MYBL2: variants seen among roughly 807,000 people sequenced by gnomAD.
MYBL2 encodes MYB proto-oncogene like 2.
Under a neutral mutation model 79.9 loss-of-function variants are expected in MYBL2, and 28 were observed. That is an observed-to-expected ratio of 0.35 (90% confidence interval 0.26 to 0.48). The LOEUF is 0.48. Ranked by LOEUF, MYBL2 falls within the 20% of genes least tolerant of loss-of-function variation. The pLI, the probability that MYBL2 is intolerant of heterozygous loss-of-function variation, is 0.99. For missense variants in MYBL2, 735 were observed against 893.9 expected (o/e 0.82, Z 2.27); for synonymous variants, 378 against 361.2 (o/e 1.05, Z -0.53).
intron 1 of MYBL2, among the ~76,000 whole-genome samples, chr20:43,668,248 T>C (rs1986771648): frequency 7.1e-6 from 1 of 141,146 alleles, no homozygotes; most frequent in Admixed American, 7.7e-5. Context: ...ATGCCCAGGC[T>C]GGAGTGCAGT....
At position 43,699,783 on chromosome 20, in the gene MYBL2, C is replaced by G; in HGVS notation, c.690C>G (p.Ser230=). The part of the protein sequence containing the change: ...GQGSLLTNWP[S]VPPTIKEEEN... The stretch of plus-strand genomic sequence containing the variant: ...GAAGTCTTCTGACCAACTGGCCCTC[C>G]GTCCCTCCTACCATAAAGGAGGAGG... The change falls in exon 7 of 14, where the codon TCC becomes TCG. Residue 230 remains serine, a synonymous_variant. Coordinates refer to ENST00000217026, the MANE Select transcript of MYBL2 (RefSeq NM_002466.4). 1 of 1,614,136 alleles carries G rather than the reference C, an allele frequency of 6.2e-7. No individual in the cohort carries two copies. The highest frequency in any genetic ancestry group is 2.2e-5 in the East Asian group (1 of 44,890).
At chr20:43,715,916 A>G in intron 13 of MYBL2, 43 bp from the exon 14 acceptor site, 1 of 1,581,118 alleles carries the variant, frequency 6.3e-7, no homozygotes. Context: ...TGTTGGGAAC[A>G]CATAGTCCCT....
chr20:43,702,436 C>A, intron 7 of MYBL2, 54 bp from the exon 8 acceptor site: 2 of 1,505,722 alleles, frequency 1.3e-6, no homozygotes, highest in Admixed American at 1.9e-5. Context: ...ATGAATGAGT[C>A]CTCTTGTATT....
intron 2 of MYBL2, among the ~76,000 whole-genome samples, chr20:43,674,849 T>A (rs1568847260): frequency 6.6e-6 from 1 of 152,192 alleles, no homozygotes; most frequent in Non-Finnish European, 1.5e-5. Context: ...ACTTTCTTTT[T>A]CTAAAATAAT....
In MYBL2 at chr20:43,715,159, C is replaced by G. The variant is rs768480095; in HGVS notation, c.1850C>G (p.Ser617Cys). ...CCGACAACTGCCCCTTCAAACTCTT[C>G]CAGCCTCACCCTGTCAGGTATCAAA... The part of the protein sequence containing the change: ...SLPTTAPSNS[S>C]SLTLSGIKED... Residue 617 changes from serine to cysteine, a missense_variant, in exon 13 of 14, where the codon TCC becomes TGC. Coordinates refer to ENST00000217026, the MANE Select transcript of MYBL2 (RefSeq NM_002466.4). 5 of 1,614,238 alleles carry G rather than the reference C, an allele frequency of 3.1e-6. No homozygotes were observed. The highest frequency in any genetic ancestry group is 3.4e-6 in the Non-Finnish European group (4 of 1,180,050).
chr20:43,672,036 T>A lies in MYBL2; in HGVS notation c.21-1770T>A, dbSNP rs372922376. On this transcript the variant is annotated intron_variant, in intron 1 of 13. Transcript: ENST00000217026. ...CAGCCTGGCCAAGATGGTGAAACCC[T>A]GTATCTGCTAAAAATACAAAAAAAA... 1.2e-4 allele frequency among the ~76,000 whole-genome samples: 18 copies of A among 150,712 alleles called. 1 individual carries two copies. Among genetic ancestry groups the A allele is most frequent in the African/African-American group, 3.7e-4 (15 of 41,082 alleles).
chr20:43,683,979 G>A (rs3092364), intron 4 of MYBL2, among the ~76,000 whole-genome samples: 129,553 of 151,926 alleles, frequency 0.85, 55,398 homozygotes, highest in Non-Finnish European at 0.88. Flanking sequence ...CCCAGGCTGG[G>A]GTACAGTGAC....
At position 43,686,887 on chromosome 20, in the gene MYBL2, G is replaced by A. The variant is rs1482009725; in HGVS notation, c.315G>A (p.Gln105=). 2 of 1,614,228 alleles carry A rather than the reference G, an allele frequency of 1.2e-6. No homozygotes were observed. Among genetic ancestry groups the A allele is most frequent in the Non-Finnish European group, 8.5e-7 (1 of 1,180,046 alleles). The change falls in exon 5 of 14, where the codon CAG becomes CAA. Residue 105 remains glutamine (Q), a synonymous_variant. Transcript: ENST00000217026. ...IELVKKYGTK[Q]WTLIAKHLKG... ...TGGTTAAGAAGTATGGCACAAAGCA[G>A]TGGACACTGATTGCCAAGCACCTGA...
intron 2 of MYBL2, among the ~76,000 whole-genome samples, chr20:43,677,602 G>A (rs1987039927): frequency 1.3e-5 from 2 of 152,348 alleles, no homozygotes; most frequent in African/African-American, 2.4e-5. Context: ...AATGGTTGAC[G>A]GAGATGGCCG....
rs149788409 is a variant in MYBL2 at position 43,702,568 on chromosome 20, C to G, written c.1030C>G (p.Leu344Val). Residue 344 changes from leucine to valine, a missense_variant, in exon 8 of 14, where the codon CTA becomes GTA. This residue lies in a region of MYBL2 where 243 missense variants were observed against 327.2 expected (regional missense o/e 0.74). Coordinates refer to ENST00000217026, the MANE Select transcript of MYBL2 (RefSeq NM_002466.4). ...PSAEDSINNS[L>V]VQLQASHQQQ... ...TGCAGAGGACAGTATCAACAACAGC[C>G]TAGTGCAGCTGCAAGCGTCACATCA... The G allele has an allele frequency of 4.5e-5, 72 of 1,614,202 alleles. No individual in the cohort carries two copies. The African/African-American group carries it at 9.2e-4, about 21-fold the overall frequency.
intron 2 of MYBL2, among the ~76,000 whole-genome samples, chr20:43,676,705 T>G (rs1433655275): frequency 6.6e-6 from 1 of 152,206 alleles, no homozygotes; most frequent in African/African-American, 2.4e-5. Flanking sequence ...TAGGTGTATG[T>G]TTAGTTTTAC....
chr20:43,702,151 T>C (rs1054108568), intron 7 of MYBL2, among the ~76,000 whole-genome samples: 3 of 151,510 alleles, frequency 2.0e-5, no homozygotes, highest in Non-Finnish European at 4.4e-5. Context: ...AATAAAAAAT[T>C]AGCCGAGAAT....
At chr20:43,667,493 C>T (rs996126765) in intron 1 of MYBL2, among the ~76,000 whole-genome samples, 190 bp downstream of exon 1, 4 of 152,264 alleles carry the variant, frequency 2.6e-5, no homozygotes, top group African/African-American at 9.6e-5. Flanking sequence ...AGCTGGGGGG[C>T]TCTTGGGCGT....
chr20:43,675,914 T>TTTG (rs1461682544), intron 2 of MYBL2, among the ~76,000 whole-genome samples: 1 of 150,370 alleles, frequency 6.7e-6, no homozygotes, highest in Non-Finnish European at 1.5e-5. Flanking sequence ...ATAGGTAGTT[T>TTTG]TTTTTTTTTT....
Position 43,715,135 on chromosome 20 carries a change from C to G in MYBL2, c.1826C>G (p.Pro609Arg). ...MSTLPKSLSL[P>R]TTAPSNSSSL... ...TCCTTGACTTGGTTTTGGTTTCAGC[C>G]GACAACTGCCCCTTCAAACTCTTCC... Residue 609 changes from proline to arginine, a missense_variant and splice_region_variant, in exon 13 of 14, where the codon CCG becomes CGG. Physicochemically the swap from Pro to Arg is moderately radical, Grantham distance 103. Coordinates refer to ENST00000217026, the MANE Select transcript of MYBL2 (RefSeq NM_002466.4). 3 of 1,614,078 alleles carry G rather than the reference C, an allele frequency of 1.9e-6. No homozygotes were observed. Among genetic ancestry groups the G allele is most frequent in the Non-Finnish European group, 2.5e-6 (3 of 1,179,964 alleles).
chr20:43,687,618 C>T (rs925169253), intron 5 of MYBL2, among the ~76,000 whole-genome samples: 6 of 152,182 alleles, frequency 3.9e-5, no homozygotes, highest in Admixed American at 3.9e-4. Flanking sequence ...AAGTGATGTG[C>T]CATTTTTCAT....
rs370231418 is a variant in MYBL2 at position 43,669,029 on chromosome 20, A to G, written c.20+1726A>G. Among the ~76,000 whole-genome samples the G allele has an allele frequency of 1.1e-4, 16 of 152,230 alleles. No individual in the cohort carries two copies. In the East Asian group the frequency reaches 2.1e-3, roughly 20 times the overall value. ...TGGGCACACGCCGCCACGCCTGGCT[A>G]ATTTTTTGGATTTTTAGTAGAGATG... On this transcript the variant is annotated intron_variant, in intron 1 of 13. Transcript: ENST00000217026.
intron 12 of MYBL2, 54 bp downstream of exon 12, chr20:43,713,160 G>T: frequency 1.5e-6 from 2 of 1,344,338 alleles, no homozygotes; most frequent in Non-Finnish European, 2.0e-6. Context: ...CCTCAAGGTG[G>T]AGTTAGTGTA....
intron 1 of MYBL2, among the ~76,000 whole-genome samples, chr20:43,671,015 C>T (rs1401523613): frequency 1.3e-5 from 2 of 148,940 alleles, no homozygotes; most frequent in Non-Finnish European, 2.9e-5. Context: ...GTTGCCCAGG[C>T]TGCAGTGCAG....
Sources: gnomAD v4.1 joint callset for allele counts (sites outside exome capture counted in the v4.1 genomes callset) on GRCh38, gnomAD v4.1.1 for gene constraint, gnomAD v4.1.1 regional missense constraint, MANE v1.5 for transcripts, NCBI Gene and HGNC (gene_info 2026-07-23, HGNC 2026-07-21) for gene names.